Variants in C1orf50 observed in about 807,000 individuals in gnomAD.
The protein encoded by C1orf50 is chromosome 1 open reading frame 50, also known as uncharacterized protein C1orf50.
A neutral mutation model predicts 23.3 loss-of-function variants in C1orf50; 22 were observed. That is an observed-to-expected ratio of 0.94 (90% CI 0.67 to 1.35). The LOEUF is 1.35. Among genes scored for constraint, C1orf50 ranks in the 40% most tolerant of loss-of-function variants. The probability of loss-of-function intolerance (pLI) is 0.00; values close to 1 mark genes in which losing one functional copy is unlikely to be tolerated. For missense variants in C1orf50, 271 were observed against 249.4 expected, an observed-to-expected ratio of 1.09 and a Z score of -0.58; for synonymous variants, 96 against 102.4, an observed-to-expected ratio of 0.94 and a Z score of 0.38.
chr1:42,774,528 T>C (rs1653293761), intron 3 of C1orf50, among the ~76,000 whole-genome samples: 1 of 152,212 alleles, frequency 6.6e-6, no homozygotes, highest in South Asian at 2.1e-4. Context: ...TGGCTTGAAA[T>C]ATAATTTTTC....
At chr1:42,772,818 G>C (rs903415586) in intron 2 of C1orf50, among the ~76,000 whole-genome samples, 1 of 151,960 alleles carries the variant, frequency 6.6e-6, no homozygotes. Flanking sequence ...GTTGCACTTT[G>C]TGGCACGTGA....
chr1:42,778,769 G>A lies in C1orf50; in HGVS notation c.*3375G>A, dbSNP rs964271044. On this transcript the variant is annotated 3_prime_UTR_variant, in exon 5 of 5. Transcript: ENST00000372525. Reference sequence around the variant, plus strand: ...TTGACACGACATTTGGGGAATCGCAGCCAGTTAAACAGGAGAATATGGACT... The same window carrying A: ...TTGACACGACATTTGGGGAATCGCAACCAGTTAAACAGGAGAATATGGACT... 1 of 152,300 alleles carries A rather than the reference G, an allele frequency of 6.6e-6. No homozygotes were observed. The highest frequency in any genetic ancestry group is 1.5e-5 in the Non-Finnish European group (1 of 68,064). The allele number at this position is 152,300 out of a possible 1,614,324, so 9.4% of individuals were successfully genotyped here. A position where few individuals can be genotyped will look rare whatever the true frequency, so the allele number is the denominator to read the frequency against.
chr1:42,774,732 C>G lies in C1orf50; in HGVS notation c.283-5C>G. 6.2e-7 allele frequency: 1 copy of G among 1,602,892 alleles called. No individual in the cohort carries two copies. Among genetic ancestry groups the G allele is most frequent in the Non-Finnish European group, 8.5e-7 (1 of 1,171,662 alleles). ...CCTAATTTGTTACATATCTGTGATT[C>G]ATAGGTACTGGAAGATGCTCACAGA... is the stretch of plus-strand genomic sequence containing the variant. On this transcript the variant is annotated splice_region_variant and splice_polypyrimidine_tract_variant and intron_variant, in intron 3 of 4. Coordinates refer to ENST00000372525, the MANE Select transcript of C1orf50 (RefSeq NM_024097.4).
At position 42,775,761 on chromosome 1, in the gene C1orf50, TTTATA is replaced by T. The variant is rs1161368140; in HGVS notation, c.*369_*373del. The T allele has an allele frequency of 1.2e-5, 1 of 83,374 alleles. No homozygotes were observed. Among genetic ancestry groups the T allele is most frequent in the Non-Finnish European group, 2.6e-5 (1 of 38,018 alleles). The allele number at this position is 83,374 out of a possible 1,614,324, so 5.2% of individuals were successfully genotyped here. ...TTCCAGAGAGAACTGTTTTCAGTCT[TTTATA>T]TATATATATATATATATATAACTGG... On this transcript the variant is annotated 3_prime_UTR_variant, in exon 5 of 5. Coordinates refer to ENST00000372525, the MANE Select transcript of C1orf50 (RefSeq NM_024097.4).
intron 2 of C1orf50, among the ~76,000 whole-genome samples, chr1:42,772,520 C>T (rs1216372627): frequency 2.0e-5 from 3 of 152,168 alleles, no homozygotes; most frequent in Non-Finnish European, 4.4e-5. Context: ...GTGGCTCACA[C>T]CTGTCATCTT....
chr1:42,775,113 T>G, intron 4 of C1orf50, 96 bp from the exon 5 acceptor site: 2 of 1,242,462 alleles, frequency 1.6e-6, no homozygotes, highest in Admixed American at 2.1e-5. Flanking sequence ...TAGTATGAAG[T>G]GAAAAGCCAA....
intron 2 of C1orf50, among the ~76,000 whole-genome samples, chr1:42,769,349 C>G (rs1461122437): frequency 6.6e-6 from 1 of 150,400 alleles, no homozygotes; most frequent in African/African-American, 2.5e-5. Context: ...AGTTGGAGAC[C>G]AACCTGGGCG....
chr1:42,767,601 G>A lies in C1orf50; in HGVS notation c.172G>A (p.Ala58Thr). Residue 58 changes from alanine (A) to threonine (T), a missense_variant, in exon 2 of 5, where the codon GCG (alanine) becomes ACG (threonine). Transcript: ENST00000372525. ...GGCCGGGGACCCCTTAGACCTCGTG[G>A]CGCTCGCAGAGCAGGTGCAGAAGGT... Reference protein sequence around the residue: ...HRAGDPLDLVALAEQVQKADE... With the variant: ...HRAGDPLDLVTLAEQVQKADE... 2 of 1,611,932 alleles carry A rather than the reference G, an allele frequency of 1.2e-6. No homozygotes were observed. Among genetic ancestry groups the A allele is most frequent in the Non-Finnish European group, 1.7e-6 (2 of 1,179,558 alleles).
intron 2 of C1orf50, among the ~76,000 whole-genome samples, chr1:42,769,995 C>G (rs41269517): frequency 7.2e-5 from 11 of 152,242 alleles, no homozygotes; most frequent in Middle Eastern, 3.4e-3. Flanking sequence ...GACAGGTTGC[C>G]TCATGTCTGT....
chr1:42,769,024 G>A (rs958736296), intron 2 of C1orf50, among the ~76,000 whole-genome samples: 3 of 152,188 alleles, frequency 2.0e-5, no homozygotes, highest in Non-Finnish European at 4.4e-5. Flanking sequence ...AGCACTTTGG[G>A]AGGCCAAGGT....
rs1653268469 is a variant in C1orf50 at position 42,773,563 on chromosome 1, G to A, written c.196G>A (p.Ala66Thr). ...LVALAEQVQKADEFIRANATN... is the reference protein window; with the variant it reads ...LVALAEQVQKTDEFIRANATN... ...CAGTTTAGTTTTTTCTCACCTGTAG[G>A]CTGATGAATTCATCCGAGCAAATGC... The change falls in exon 3 of 5, where the codon GCT becomes ACT. Residue 66 changes from alanine to threonine, a missense_variant and splice_region_variant. Transcript: ENST00000372525. 6.2e-7 allele frequency: 1 copy of A among 1,603,010 alleles called. No individual in the cohort carries two copies. Among genetic ancestry groups the A allele is most frequent in the Non-Finnish European group, 8.5e-7 (1 of 1,170,620 alleles).
chr1:42,767,340 C>G lies in C1orf50; in HGVS notation c.29C>G (p.Thr10Ser), dbSNP rs201245855. 7 of 1,531,610 alleles carry G rather than the reference C, an allele frequency of 4.6e-6. No individual in the cohort carries two copies. The African/African-American group carries it at 5.6e-5, about 12-fold the overall frequency. 94.9% of individuals were successfully genotyped at this position (1,531,610 alleles called of 1,614,324 possible). A position where few individuals can be genotyped will look rare whatever the true frequency, so the allele number is the denominator to read the frequency against. Reference protein sequence around the residue: MEDAAAPGRTEGVLERQGAP... With the variant: MEDAAAPGRSEGVLERQGAP... ...GAGGACGCCGCCGCGCCGGGGCGGA[C>G]CGAGGGGGTCCTTGAAAGGCAAGGA... is the stretch of plus-strand genomic sequence containing the variant. Residue 10 changes from threonine to serine, a missense_variant, in exon 1 of 5, where the codon ACC becomes AGC. By Grantham distance (58) the Thr-to-Ser change is moderately conservative. Transcript: ENST00000372525.
At position 42,778,845 on chromosome 1, in the gene C1orf50, T is replaced by C. The variant is rs1021443969; in HGVS notation, c.*3451T>C. ...GAAGGATTTGGGGAGGCTGGTAATA[T>C]TGGCAGCAGAGTTTGGGTAGAGGGA... On this transcript the variant is annotated 3_prime_UTR_variant, in exon 5 of 5. Coordinates refer to ENST00000372525, the MANE Select transcript of C1orf50 (RefSeq NM_024097.4). 6.6e-6 allele frequency: 1 copy of C among 151,968 alleles called. No individual in the cohort carries two copies. Among genetic ancestry groups the C allele is most frequent in the African/African-American group, 2.4e-5 (1 of 41,326 alleles). The allele number at this position is 151,968 out of a possible 1,614,324, so 9.4% of individuals were successfully genotyped here.
In C1orf50 at chr1:42,767,261, A is replaced by C; in HGVS notation, c.-51A>C. On this transcript the variant is annotated 5_prime_UTR_variant, in exon 1 of 5. Coordinates refer to ENST00000372525, the MANE Select transcript of C1orf50 (RefSeq NM_024097.4). The stretch of plus-strand genomic sequence containing the variant: ...GCTCCGCCCACGCGCCTTTATGCGC[A>C]GGCTCTTCCTACTCGCACAGCCCAG... The C allele has an allele frequency of 1.4e-6, 2 of 1,457,666 alleles. No homozygotes were observed. The highest frequency in any genetic ancestry group is 1.4e-5 in the African/African-American group (1 of 69,848). The allele number at this position is 1,457,666 out of a possible 1,614,324, so 90.3% of individuals were successfully genotyped here. A position where few individuals can be genotyped will look rare whatever the true frequency, so the allele number is the denominator to read the frequency against.
rs1557587251 is a variant in C1orf50, at chr1:42,777,601, CGT to C, written c.*2208_*2209del. 1 of 152,126 alleles carries C rather than the reference CGT, an allele frequency of 6.6e-6. No homozygotes were observed. The highest frequency in any genetic ancestry group is 1.5e-5 in the Non-Finnish European group (1 of 68,042). The allele number at this position is 152,126 out of a possible 1,614,324, so 9.4% of individuals were successfully genotyped here. A position where few individuals can be genotyped will look rare whatever the true frequency, so the allele number is the denominator to read the frequency against. On this transcript the variant is annotated 3_prime_UTR_variant, in exon 5 of 5. Coordinates refer to ENST00000372525, the MANE Select transcript of C1orf50 (RefSeq NM_024097.4). Reference sequence around the variant, plus strand: ...AGAAGTGACATTTCATCACCTTTGCCGTAATCTTTTGGTTGGAAGCAAGTCAC... The same window carrying C: ...AGAAGTGACATTTCATCACCTTTGCCAATCTTTTGGTTGGAAGCAAGTCAC...
Position 42,775,291 on chromosome 1 carries a change from T to A in C1orf50, c.497T>A (p.Ile166Asn). ...TTGTCCTGGACTCCGTATGAGGACATTGAGAAGCAAGATGCTAAAATCAGC... is the reference window on the plus strand; with the variant it reads ...TTGTCCTGGACTCCGTATGAGGACAATGAGAAGCAAGATGCTAAAATCAGC... ...HDLSWTPYED[I>N]EKQDAKISMM... Residue 166 changes from isoleucine (I) to asparagine (N), a missense_variant, in exon 5 of 5, where the codon ATT becomes AAT. Physicochemically the swap from Ile to Asn is moderately radical, Grantham distance 149 (BLOSUM62 -3). Coordinates refer to ENST00000372525, the MANE Select transcript of C1orf50 (RefSeq NM_024097.4). 1 of 1,613,354 alleles carries A rather than the reference T, an allele frequency of 6.2e-7. No individual in the cohort carries two copies. Among genetic ancestry groups the A allele is most frequent in the Non-Finnish European group, 8.5e-7 (1 of 1,179,346 alleles).
At chr1:42,773,364 G>T in intron 2 of C1orf50, 199 bp from the exon 3 acceptor site, 1 of 459,738 alleles carries the variant, frequency 2.2e-6, no homozygotes. Flanking sequence ...GTGGCGTGGA[G>T]TCATGTCAGG....
In C1orf50 at chr1:42,767,532, AC is replaced by A; in HGVS notation, c.108del (p.Gly37AlafsTer6). On this transcript the variant is annotated frameshift_variant, in exon 2 of 5. Coordinates refer to ENST00000372525, the MANE Select transcript of C1orf50 (RefSeq NM_024097.4). LOFTEE classifies it high-confidence loss of function. ...AGGAGCCCTGGTGGAGCTCACCCCG[AC>A]CCCCGGCGGCCTGGCCCTGGTGAGC... ...QGGALVELTP[T>X]PGGLALVSPY... 2 of 1,590,928 alleles carry A rather than the reference AC, an allele frequency of 1.3e-6. No individual in the cohort carries two copies. The highest frequency in any genetic ancestry group is 1.7e-6 in the Non-Finnish European group (2 of 1,169,676).
chr1:42,767,655 C>A (rs1049454811), intron 2 of C1orf50, 31 bp downstream of exon 2: 1 of 1,564,418 alleles, frequency 6.4e-7, no homozygotes, highest in Non-Finnish European at 8.7e-7. Context: ...CAGCGAATAA[C>A]CATCTTCGTT....
Sources: gnomAD v4.1 joint callset for allele counts (sites outside exome capture counted in the v4.1 genomes callset) on GRCh38, gnomAD v4.1.1 for gene constraint, MANE v1.5 for transcripts, NCBI Gene and HGNC (gene_info 2026-07-23, HGNC 2026-07-21) for gene names.